Variants in ST3GAL3 observed in about 807,000 individuals in gnomAD.
ST3GAL3 encodes the protein CMP-N-acetylneuraminate-beta-1,4-galactoside alpha-2,3-sialyltransferase.
A neutral mutation model predicts 50.1 loss-of-function variants in ST3GAL3; 21 were observed. The ratio of observed to expected loss-of-function variants is 0.42; its 90% CI spans 0.30 to 0.60. The LOEUF is 0.60. Ranked by LOEUF, ST3GAL3 falls within the 20% of genes least tolerant of loss-of-function variation. ST3GAL3 has a pLI of 0.19. For synonymous variants in ST3GAL3, 183 were observed against 190.0 expected, an observed-to-expected ratio of 0.96 and a Z score of 0.30; for missense variants, 353 against 489.4, an observed-to-expected ratio of 0.72 and a Z score of 2.63.
chr1:43,758,162 A>ACCC (rs747611095), intron 2 of ST3GAL3, among the ~76,000 whole-genome samples: 14 of 87,406 alleles, frequency 1.6e-4, no homozygotes, highest in African/African-American at 4.7e-4. Flanking sequence ...GCTGCATACC[A>ACCC]CCCCCCCCCC....
At position 43,830,201 on chromosome 1, in the gene ST3GAL3, TA is replaced by T. The variant is rs146829029; in HGVS notation, c.210-8010del. On this transcript the variant is annotated intron_variant, in intron 4 of 11. Coordinates refer to ENST00000347631, the MANE Select transcript of ST3GAL3 (RefSeq NM_006279.5). ...GCACATGCCACCATGCCCAGCTAAT[TA>T]AAAAAAATTTTTTTTAAATAGAGAT... is the stretch of plus-strand genomic sequence containing the variant. Among the ~76,000 whole-genome samples, 67 of 151,386 alleles carry T rather than the reference TA, an allele frequency of 4.4e-4. 1 individual carries two copies. Among genetic ancestry groups the T allele is most frequent in the Non-Finnish European group, 7.7e-4 (52 of 67,826 alleles).
Position 43,775,256 on chromosome 1 carries a change from T to A in ST3GAL3, c.119-16846T>A, listed in dbSNP as rs1696748955. ...GAATTTTTTTTTTTTTTTTCGAGACTGAGTCGCGCTCTTGTCACCCAGGCT... is the reference window on the plus strand; with the variant it reads ...GAATTTTTTTTTTTTTTTTCGAGACAGAGTCGCGCTCTTGTCACCCAGGCT... On this transcript the variant is annotated intron_variant, in intron 2 of 11. Coordinates refer to ENST00000347631, the MANE Select transcript of ST3GAL3 (RefSeq NM_006279.5). Among the ~76,000 whole-genome samples the A allele has an allele frequency of 2.6e-5, 4 of 151,226 alleles. 1 individual carries two copies. The South Asian group carries it at 8.3e-4, about 31-fold the overall frequency.
chr1:43,789,164 GT>G (rs2057729260), intron 2 of ST3GAL3, among the ~76,000 whole-genome samples: 1 of 152,198 alleles, frequency 6.6e-6, no homozygotes, highest in Admixed American at 6.5e-5. Context: ...GACACAATCT[GT>G]TATGCTTTTT....
At chr1:43,856,094 A>G (rs1236249842) in intron 5 of ST3GAL3, among the ~76,000 whole-genome samples, 1 of 152,260 alleles carries the variant, frequency 6.6e-6, no homozygotes, top group African/African-American at 2.4e-5. Flanking sequence ...ATCTCGTCAC[A>G]TTCTTTTATC....
intron 3 of ST3GAL3, among the ~76,000 whole-genome samples, chr1:43,812,609 G>A (rs1441477246): frequency 6.6e-6 from 1 of 152,200 alleles, no homozygotes; most frequent in African/African-American, 2.4e-5. Context: ...CTACAGGTGT[G>A]CAACAACATG....
chr1:43,877,675 T>C (rs752525882), intron 5 of ST3GAL3, among the ~76,000 whole-genome samples: 3 of 152,188 alleles, frequency 2.0e-5, no homozygotes, highest in Non-Finnish European at 2.9e-5. Context: ...GTTAGAAATA[T>C]GTGTCTGGAT....
chr1:43,855,430 C>T (rs191893672), intron 5 of ST3GAL3, among the ~76,000 whole-genome samples: 1 of 152,094 alleles, frequency 6.6e-6, no homozygotes, highest in East Asian at 1.9e-4. Flanking sequence ...ACCAACATGG[C>T]GAAACCCCAT....
At chr1:43,744,148 C>T (rs969670461) in intron 2 of ST3GAL3, among the ~76,000 whole-genome samples, 1 of 152,156 alleles carries the variant, frequency 6.6e-6, no homozygotes, top group African/African-American at 2.4e-5. Context: ...AAACCAAAGA[C>T]AGTTTTACAA....
chr1:43,912,352 TAAAGAACTTG>T (rs2081077786), intron 9 of ST3GAL3: 1 of 151,768 alleles, frequency 6.6e-6, no homozygotes, highest in African/African-American at 2.4e-5. Flanking sequence ...CTTAGAAGAG[TAAAGAACTTG>T]CTTAGGGGTA....
chr1:43,752,967 A>C (rs1572144644), intron 2 of ST3GAL3, among the ~76,000 whole-genome samples: 1 of 152,248 alleles, frequency 6.6e-6, no homozygotes, highest in African/African-American at 2.4e-5. Flanking sequence ...ACAGTAACTC[A>C]TATATGCCTT....
chr1:43,916,566 A>G (rs922441849), intron 9 of ST3GAL3: 4 of 152,228 alleles, frequency 2.6e-5, no homozygotes, highest in Non-Finnish European at 5.9e-5. Context: ...TACATACATT[A>G]TGGTACATCC....
At position 43,714,735 on chromosome 1, in the gene ST3GAL3, CAT is replaced by C. The variant is rs1666520445; in HGVS notation, c.-31+7044_-31+7045del. ...TACTCATCAGATGGGGTTGCTAAAA[CAT>C]ACACACTTCTCCTCGGCCTGTCATT... On this transcript the variant is annotated intron_variant, in intron 1 of 11. Transcript: ENST00000347631. 2.0e-5 allele frequency among the ~76,000 whole-genome samples: 3 copies of C among 152,344 alleles called. No homozygotes were observed. In the South Asian group the frequency reaches 6.2e-4, roughly 32 times the overall value.
intron 9 of ST3GAL3, among the ~76,000 whole-genome samples, chr1:43,914,877 C>T (rs2081521956): frequency 6.6e-6 from 1 of 152,214 alleles, no homozygotes; most frequent in South Asian, 2.1e-4. Flanking sequence ...CACATCTGGC[C>T]CACCCAAGAG....
At chr1:43,728,046 C>T (rs1344016938) in intron 1 of ST3GAL3, among the ~76,000 whole-genome samples, 1 of 152,000 alleles carries the variant, frequency 6.6e-6, no homozygotes, top group East Asian at 1.9e-4. Flanking sequence ...CTAGTAGTCT[C>T]CAGTGTCTGT....
At chr1:43,712,405 C>A (rs1194630150) in intron 1 of ST3GAL3, among the ~76,000 whole-genome samples, 1 of 152,146 alleles carries the variant, frequency 6.6e-6, no homozygotes, top group African/African-American at 2.4e-5. Context: ...TTCTTTCTCT[C>A]CTACTAGACC....
intron 2 of ST3GAL3, among the ~76,000 whole-genome samples, chr1:43,751,629 A>G (rs1686124300): frequency 6.6e-6 from 1 of 152,216 alleles, no homozygotes; most frequent in Non-Finnish European, 1.5e-5. Context: ...GCATATGTAT[A>G]CAGATAGGTC....
At chr1:43,756,585 T>C (rs111556542) in intron 2 of ST3GAL3, among the ~76,000 whole-genome samples, 1 of 150,304 alleles carries the variant, frequency 6.7e-6, no homozygotes, top group Admixed American at 6.6e-5. Context: ...TTAAACAAAA[T>C]AGAACGGTTG....
intron 2 of ST3GAL3, among the ~76,000 whole-genome samples, chr1:43,756,500 A>G (rs767355021): frequency 1.3e-5 from 2 of 152,052 alleles, no homozygotes; most frequent in African/African-American, 2.4e-5. Flanking sequence ...AGCACATGAT[A>G]TAAAACATAA....
At chr1:43,745,037 G>A (rs1382427548) in intron 2 of ST3GAL3, among the ~76,000 whole-genome samples, 1 of 152,090 alleles carries the variant, frequency 6.6e-6, no homozygotes, top group African/African-American at 2.4e-5. Flanking sequence ...ATAGGCTCAT[G>A]CCTGTAATCC....
Sources: allele counts gnomAD v4.1 joint callset (sites outside exome capture counted in the v4.1 genomes callset), GRCh38; gene constraint gnomAD v4.1.1; transcripts MANE v1.5; gene names NCBI Gene and HGNC (gene_info 2026-07-23, HGNC 2026-07-21).